The following MAF variants were observed in gnomAD, a reference collection of about 807,000 sequenced individuals.
The protein encoded by MAF is transcription factor Maf.
Under a neutral mutation model 22.0 loss-of-function variants are expected in MAF, and 10 were observed. The ratio of observed to expected loss-of-function variants is 0.45; its 90% confidence interval spans 0.28 to 0.77. The LOEUF is 0.77. MAF is among the 30% of genes least tolerant of loss of function. The pLI, the probability that MAF is intolerant of heterozygous loss-of-function variation, is 0.12. For missense variants in MAF, 544 were observed against 548.4 expected (o/e 0.99, Z 0.08); for synonymous variants, 337 against 255.8 (o/e 1.32, Z -3.03).
chr16:79,274,876 G>A, the MAF span, among the ~76,000 whole-genome samples: 40 of 152,254 alleles, frequency 2.6e-4, no homozygotes, highest in Non-Finnish European at 2.5e-4. Context: ...AAGGACTTTG[G>A]CATCCAGTTA....
the MAF span, among the ~76,000 whole-genome samples, chr16:79,365,065 G>C: frequency 1.3e-3 from 198 of 152,292 alleles, 4 homozygotes; most frequent in African/African-American, 4.7e-3. Context: ...GATGGTTTCT[G>C]ATTGGTTAAA....
chr16:79,491,353 G>A, the MAF span, among the ~76,000 whole-genome samples: 1 of 152,108 alleles, frequency 6.6e-6, no homozygotes, highest in Non-Finnish European at 1.5e-5. Flanking sequence ...AGAACCCTTG[G>A]TCTGCCAAAC....
chr16:79,510,626 C>A, the MAF span, among the ~76,000 whole-genome samples: 13 of 152,192 alleles, frequency 8.5e-5, no homozygotes, highest in Middle Eastern at 3.4e-3. Flanking sequence ...ACTGTCATAC[C>A]CAGAAGACTT....
the MAF span, among the ~76,000 whole-genome samples, chr16:79,328,323 G>A: frequency 6.6e-6 from 1 of 151,966 alleles, no homozygotes; most frequent in Admixed American, 6.6e-5. Flanking sequence ...ATTTGGAAGA[G>A]CCTAGAGACA....
At chr16:79,214,704 T>TG in the MAF span, among the ~76,000 whole-genome samples, 1 of 28,146 alleles carries the variant, frequency 3.6e-5, no homozygotes, top group Non-Finnish European at 1.0e-4. Flanking sequence ...TGTGCCTGGC[T>TG]TTTTTTTTTT....
chr16:79,537,693 T>G, the MAF span, among the ~76,000 whole-genome samples: 1 of 152,190 alleles, frequency 6.6e-6, no homozygotes, highest in East Asian at 1.9e-4. Flanking sequence ...TCAGATGCCA[T>G]GAGATCCACC....
chr16:79,259,928 A>C, the MAF span, among the ~76,000 whole-genome samples: 20,723 of 152,136 alleles, frequency 0.14, 1,613 homozygotes, highest in African/African-American at 0.19. Flanking sequence ...GGCAAGAGGC[A>C]TATGTGGGAA....
the MAF span, among the ~76,000 whole-genome samples, chr16:79,249,881 A>G: frequency 0.14 from 21,973 of 152,118 alleles, 1,836 homozygotes; most frequent in Middle Eastern, 0.25. Flanking sequence ...CATAATGGTC[A>G]TAATGCTCAC....
At chr16:79,342,572 ATCACCATCACTG>A in the MAF span, among the ~76,000 whole-genome samples, 2 of 152,040 alleles carry the variant, frequency 1.3e-5, no homozygotes, top group African/African-American at 4.8e-5. Flanking sequence ...TACCATCACC[ATCACCATCACTG>A]TCACCATCAC....
chr16:79,576,690 G>C, the MAF span, among the ~76,000 whole-genome samples: 2 of 152,100 alleles, frequency 1.3e-5, no homozygotes, highest in South Asian at 2.1e-4. Context: ...ACCAAGGCTT[G>C]CAAGGTGTCA....
At chr16:79,360,439 G>A in the MAF span, among the ~76,000 whole-genome samples, 109 of 152,252 alleles carry the variant, frequency 7.2e-4, no homozygotes, top group African/African-American at 2.5e-3. Flanking sequence ...TACCACTCAT[G>A]AGTCATGTGG....
chr16:79,286,814 G>T, the MAF span, among the ~76,000 whole-genome samples: 1 of 152,162 alleles, frequency 6.6e-6, no homozygotes, highest in Non-Finnish European at 1.5e-5. Flanking sequence ...AGCTTTGTGT[G>T]CCTCTGCACA....
At chr16:79,236,204 C>T in the MAF span, among the ~76,000 whole-genome samples, 2 of 152,086 alleles carry the variant, frequency 1.3e-5, no homozygotes, top group African/African-American at 4.8e-5. Flanking sequence ...GTGCGCTCAA[C>T]TTGTCCTCTT....
At chr16:79,214,765 T>C in the MAF span, among the ~76,000 whole-genome samples, 1 of 123,780 alleles carries the variant, frequency 8.1e-6, no homozygotes, top group Non-Finnish European at 1.6e-5. Flanking sequence ...CAGTCTAGAG[T>C]GCAGTGGCGT....
chr16:79,262,142 A>T, the MAF span, among the ~76,000 whole-genome samples: 1 of 152,132 alleles, frequency 6.6e-6, no homozygotes, highest in Non-Finnish European at 1.5e-5. Flanking sequence ...GGAGCTTTAC[A>T]TATGTTGTCT....
At chr16:79,511,209 T>C in the MAF span, among the ~76,000 whole-genome samples, 12 of 152,094 alleles carry the variant, frequency 7.9e-5, no homozygotes, top group African/African-American at 2.9e-4. Context: ...ATTATTTTTA[T>C]TAATGTCATG....
At chr16:79,249,884 A>G in the MAF span, among the ~76,000 whole-genome samples, 18 of 152,242 alleles carry the variant, frequency 1.2e-4, no homozygotes, top group East Asian at 3.5e-3. Flanking sequence ...AATGGTCATA[A>G]TGCTCACTGC....
chr16:79,578,500 A>G, the MAF span, among the ~76,000 whole-genome samples: 3 of 152,184 alleles, frequency 2.0e-5, no homozygotes, highest in African/African-American at 7.2e-5. Flanking sequence ...GTTTCTAGAT[A>G]GAATTCTATA....
chr16:79,598,581 G>T (rs149368818), intron 1 of MAF: 43 of 1,410,578 alleles, frequency 3.0e-5, no homozygotes, highest in East Asian at 5.3e-5. Context: ...CAGGGTGTGG[G>T]GTGTGTGTGT....
Sources: gnomAD v4.1 joint callset for allele counts (sites outside exome capture counted in the v4.1 genomes callset) on GRCh38, gnomAD v4.1.1 for gene constraint, MANE v1.5 for transcripts, NCBI Gene and HGNC (gene_info 2026-07-23, HGNC 2026-07-21) for gene names.